GPHN: variants seen among roughly 807,000 people sequenced by gnomAD.
GPHN encodes gephyrin.
In GPHN, 17 loss-of-function variants were observed where a neutral mutation model predicts 95.5. The ratio of observed to expected loss-of-function variants is 0.18; its 90% CI spans 0.12 to 0.27. The LOEUF is 0.27. GPHN is among the 10% of genes least tolerant of loss of function. GPHN has a pLI of 1.00. For missense variants in GPHN, 660 were observed against 978.1 expected (o/e 0.67, Z 4.34); for synonymous variants, 320 against 322.5 (o/e 0.99, Z 0.08).
chr14:67,590,974 A>G, the GPHN span, among the ~76,000 whole-genome samples: 1 of 152,266 alleles, frequency 6.6e-6, no homozygotes, highest in African/African-American at 2.4e-5. Context: ...AATGTTTTAC[A>G]CAATGAAATG....
intron 4 of GPHN, 27 bp downstream of exon 4, chr14:66,824,593 T>G: frequency 9.8e-7 from 1 of 1,021,240 alleles, no homozygotes. Flanking sequence ...CTTTTCATAT[T>G]CAAGGATTAA....
At chr14:67,207,672 A>T in the GPHN span, among the ~76,000 whole-genome samples, 1 of 152,208 alleles carries the variant, frequency 6.6e-6, no homozygotes, top group African/African-American at 2.4e-5. Context: ...ATTCTGAGCG[A>T]ATCAGAGAGT....
At chr14:66,943,926 C>G (rs572114576) in intron 8 of GPHN, among the ~76,000 whole-genome samples, 2 of 152,292 alleles carry the variant, frequency 1.3e-5, no homozygotes, top group African/African-American at 4.8e-5. Flanking sequence ...TCAGAGGGAT[C>G]TATCCACTTT....
the GPHN span, chr14:67,562,528 C>A: frequency 1.9e-6 from 3 of 1,609,424 alleles, no homozygotes; most frequent in Admixed American, 5.0e-5. Flanking sequence ...GGACAAAGAC[C>A]TCTGCCAGGG....
In GPHN at chr14:67,027,393, C is replaced by T. The variant is rs985674777; in HGVS notation, c.1006+3718C>T. ...TCACCCAGGATGGAATGCAGTGGCA[C>T]GATCTCTGCTCACTGCAACCTCCAC... On this transcript the variant is annotated intron_variant, in intron 10 of 22. Coordinates refer to ENST00000478722, the MANE Select transcript of GPHN (RefSeq NM_020806.5). Among the ~76,000 whole-genome samples the T allele has an allele frequency of 4.6e-5, 7 of 152,208 alleles. No homozygotes were observed. The East Asian group carries it at 5.8e-4, about 13-fold the overall frequency.
At chr14:66,957,295 A>AAGCAATTC (rs2068589285) in intron 8 of GPHN, among the ~76,000 whole-genome samples, 1 of 144,800 alleles carries the variant, frequency 6.9e-6, no homozygotes, top group Non-Finnish European at 1.5e-5. Context: ...TCCTGAGTTC[A>AAGCAATTC]AGCAATTCTC....
intron 9 of GPHN, among the ~76,000 whole-genome samples, chr14:67,022,568 G>GTGTGTGTGT (rs1555466198): frequency 4.8e-5 from 1 of 20,880 alleles, no homozygotes; most frequent in Admixed American, 6.5e-4. Context: ...TTTTTTTTTT[G>GTGTGTGTGT]GTGTGTGTGT....
the GPHN span, among the ~76,000 whole-genome samples, chr14:67,352,475 C>T: frequency 7.3e-5 from 11 of 150,964 alleles, no homozygotes; most frequent in African/African-American, 1.9e-4. Flanking sequence ...TCATACCATG[C>T]GGTAGTACAT....
At chr14:66,603,535 A>G (rs1014402224) in intron 1 of GPHN, among the ~76,000 whole-genome samples, 1 of 152,008 alleles carries the variant, frequency 6.6e-6, no homozygotes, top group Non-Finnish European at 1.5e-5. Flanking sequence ...ATATATAGAT[A>G]TATCCAGTTT....
the GPHN span, among the ~76,000 whole-genome samples, chr14:67,603,956 T>C: frequency 0.099 from 15,084 of 152,086 alleles, 804 homozygotes; most frequent in South Asian, 0.14. Flanking sequence ...GCTGGGATTA[T>C]AGGCGTGAGC....
intron 8 of GPHN, among the ~76,000 whole-genome samples, chr14:66,936,795 T>C (rs2067153962): frequency 6.6e-6 from 1 of 152,220 alleles, no homozygotes; most frequent in Non-Finnish European, 1.5e-5. Context: ...AATTTATAAA[T>C]AGAAAATTTG....
At chr14:67,323,914 C>A in the GPHN span, 1 of 639,370 alleles carries the variant, frequency 1.6e-6, no homozygotes, top group Non-Finnish European at 2.7e-6. Flanking sequence ...CTTGAGCTTT[C>A]AAACTGATTA....
intron 9 of GPHN, among the ~76,000 whole-genome samples, chr14:67,021,866 C>T (rs1158763452): frequency 1.3e-5 from 2 of 152,040 alleles, no homozygotes; most frequent in Non-Finnish European, 2.9e-5. Context: ...CATTGCTTTG[C>T]GCTATGGGTT....
the GPHN span, chr14:67,614,848 T>G: frequency 6.6e-6 from 1 of 151,864 alleles, no homozygotes; most frequent in Admixed American, 6.6e-5. Flanking sequence ...CCTTGAGGTT[T>G]TTTTTTTTTG....
At chr14:66,869,047 A>C (rs774243639) in intron 4 of GPHN, among the ~76,000 whole-genome samples, 7 of 152,242 alleles carry the variant, frequency 4.6e-5, no homozygotes, top group Non-Finnish European at 7.3e-5. Flanking sequence ...CTAGTTCAGA[A>C]ATACTGATAC....
At chr14:66,829,024 A>G (rs2061484159) in intron 4 of GPHN, among the ~76,000 whole-genome samples, 2 of 151,646 alleles carry the variant, frequency 1.3e-5, no homozygotes, top group Non-Finnish European at 2.9e-5. Flanking sequence ...CTCACTCATC[A>G]ACTTTTTAGA....
chr14:67,159,999 CAA>C (rs113804438), intron 19 of GPHN, among the ~76,000 whole-genome samples: 7,727 of 152,150 alleles, frequency 0.051, 210 homozygotes, highest in Middle Eastern at 0.068. Flanking sequence ...TGTCATCTAA[CAA>C]AATAAATAAT....
At chr14:67,314,627 C>T in the GPHN span, among the ~76,000 whole-genome samples, 1 of 152,140 alleles carries the variant, frequency 6.6e-6, no homozygotes. Context: ...GTCTTCCTAC[C>T]ATGCCGAACT....
chr14:67,059,013 GGA>G, intron 11 of GPHN: 5 of 403,900 alleles, frequency 1.2e-5, no homozygotes, highest in Middle Eastern at 6.3e-4. Context: ...ATTAAAAAAA[GGA>G]AAAAAAAAAA....
Sources: allele counts gnomAD v4.1 joint callset (sites outside exome capture counted in the v4.1 genomes callset), GRCh38; gene constraint gnomAD v4.1.1; transcripts MANE v1.5; gene names NCBI Gene and HGNC (gene_info 2026-07-23, HGNC 2026-07-21).